Variants in CHN2 observed in about 807,000 individuals in gnomAD.
CHN2 encodes the protein beta-chimaerin.
CHN2 carries 35 observed loss-of-function variants against 56.3 expected under a neutral mutation model. That is an observed-to-expected ratio of 0.62 (90% CI 0.47 to 0.82). The LOEUF (loss-of-function observed/expected upper bound fraction) is 0.82, where lower values mean the gene tolerates loss of function less well. CHN2 is among the 40% of genes least tolerant of loss of function. The pLI is 0.00. For missense variants in CHN2, 491 were observed against 580.5 expected (o/e 0.85, Z 1.58); for synonymous variants, 210 against 212.8 (o/e 0.99, Z 0.12).
At chr7:29,384,903 A>G (rs116689356) in intron 3 of CHN2, among the ~76,000 whole-genome samples, 117 of 152,312 alleles carry the variant, frequency 7.7e-4, no homozygotes, top group African/African-American at 2.5e-3. Flanking sequence ...TCAAAGCTAC[A>G]TGCTGTGAGG....
At chr7:29,406,675 A>G (rs1802679300) in intron 6 of CHN2, among the ~76,000 whole-genome samples, 1 of 152,148 alleles carries the variant, frequency 6.6e-6, no homozygotes, top group African/African-American at 2.4e-5. Flanking sequence ...AACCAGCAGC[A>G]TCAACATCAG....
At chr7:29,510,093 C>T (rs1791125849) in intron 12 of CHN2, among the ~76,000 whole-genome samples, 1 of 152,142 alleles carries the variant, frequency 6.6e-6, no homozygotes, top group Non-Finnish European at 1.5e-5. Flanking sequence ...GACTGCCTGC[C>T]TCCTGGGAGA....
chr7:29,447,413 T>A lies in CHN2; in HGVS notation c.577-32866T>A, dbSNP rs1437816079. On this transcript the variant is annotated intron_variant, in intron 6 of 12. Coordinates refer to ENST00000222792, the MANE Select transcript of CHN2 (RefSeq NM_004067.4). ...AATAGAAACTATCCAGGAATTTTTTTAAAAACAAAAACATCATCAGTGAGC... is the reference window on the plus strand; with the variant it reads ...AATAGAAACTATCCAGGAATTTTTTAAAAAACAAAAACATCATCAGTGAGC... 2.0e-5 allele frequency among the ~76,000 whole-genome samples: 3 copies of A among 152,110 alleles called. No homozygotes were observed. In the South Asian group the frequency reaches 6.2e-4, roughly 32 times the overall value.
intron 1 of CHN2, among the ~76,000 whole-genome samples, chr7:29,283,956 A>G (rs1791939562): frequency 1.6e-5 from 1 of 61,800 alleles, no homozygotes; most frequent in African/African-American, 5.5e-5. Flanking sequence ...TTTTTTTGAG[A>G]CACAGTCTCA....
At chr7:29,464,984 C>A (rs1223961024) in intron 6 of CHN2, among the ~76,000 whole-genome samples, 1 of 152,188 alleles carries the variant, frequency 6.6e-6, no homozygotes, top group Non-Finnish European at 1.5e-5. Context: ...ATCCCCAGAA[C>A]CAATCTAAGC....
intron 1 of CHN2, among the ~76,000 whole-genome samples, chr7:29,302,319 CCTT>C (rs1793751647): frequency 8.0e-6 from 1 of 125,618 alleles, no homozygotes; most frequent in African/African-American, 3.4e-5. Context: ...CTCCTTCCTT[CCTT>C]CTTTCTTCGT....
At chr7:29,293,186 C>T (rs2128870692) in intron 1 of CHN2, among the ~76,000 whole-genome samples, 1 of 152,306 alleles carries the variant, frequency 6.6e-6, no homozygotes, top group South Asian at 2.1e-4. Context: ...GTCCCTGCTG[C>T]TGCCTAAGGG....
chr7:29,397,676 C>T (rs1400503611), intron 4 of CHN2: 1 of 152,216 alleles, frequency 6.6e-6, no homozygotes, highest in Non-Finnish European at 1.5e-5. Context: ...ACTGTCCACT[C>T]TCTGGGCCTC....
intron 11 of CHN2, 138 bp downstream of exon 11, chr7:29,507,503 T>C (rs1027624498): frequency 3.1e-5 from 21 of 674,386 alleles, no homozygotes; most frequent in Middle Eastern, 4.1e-4. Context: ...CAACAATAAA[T>C]AGCTGACCAG....
chr7:29,312,128 T>G (rs922243978), intron 1 of CHN2, among the ~76,000 whole-genome samples: 4 of 152,204 alleles, frequency 2.6e-5, no homozygotes, highest in African/African-American at 9.6e-5. Flanking sequence ...CTGTCAGTGG[T>G]CGAATCATGA....
chr7:29,296,374 C>G (rs1194000944), intron 1 of CHN2, among the ~76,000 whole-genome samples: 7 of 152,156 alleles, frequency 4.6e-5, no homozygotes, highest in Non-Finnish European at 7.4e-5. Flanking sequence ...TGTGAGCCAC[C>G]ATGCCCAGCC....
At chr7:29,267,711 G>A (rs1790265109) in intron 1 of CHN2, among the ~76,000 whole-genome samples, 1 of 152,134 alleles carries the variant, frequency 6.6e-6, no homozygotes, top group African/African-American at 2.4e-5. Flanking sequence ...CCTGTTGTGG[G>A]AATCTGTTAT....
intron 6 of CHN2, among the ~76,000 whole-genome samples, chr7:29,473,432 A>G (rs1243320009): frequency 2.0e-5 from 3 of 147,872 alleles, no homozygotes; most frequent in Admixed American, 2.0e-4. Flanking sequence ...GGGCAGAGGT[A>G]GAGCTTGAGC....
chr7:29,297,838 CAG>C (rs1241690943), intron 1 of CHN2, among the ~76,000 whole-genome samples: 12 of 152,104 alleles, frequency 7.9e-5, no homozygotes, highest in African/African-American at 2.9e-4. Context: ...GAAAAGAGGA[CAG>C]GGGAGGAGAG....
upstream of CHN2, among the ~76,000 whole-genome samples, chr7:29,190,700 C>T (rs184354389): frequency 4.6e-5 from 7 of 152,214 alleles, no homozygotes; most frequent in Non-Finnish European, 7.4e-5. Flanking sequence ...CTTACATGAC[C>T]GTCAAGTTCT....
intron 1 of CHN2, among the ~76,000 whole-genome samples, chr7:29,217,599 T>C (rs1785442050): frequency 6.6e-6 from 1 of 152,246 alleles, no homozygotes; most frequent in African/African-American, 2.4e-5. Context: ...ACAGCGCTTT[T>C]TATATGAATA....
chr7:29,400,561 A>T lies in CHN2; in HGVS notation c.309A>T (p.Leu103Phe). 1 of 1,614,142 alleles carries T rather than the reference A, an allele frequency of 6.2e-7. No homozygotes were observed. Among genetic ancestry groups the T allele is most frequent in the Non-Finnish European group, 8.5e-7 (1 of 1,180,002 alleles). Reference protein sequence around the residue: ...TLALRFGNQTLNYRLFHDGKH... With the variant: ...TLALRFGNQTFNYRLFHDGKH... The stretch of plus-strand genomic sequence containing the variant: ...CGGGCAGGTTTGGAAACCAGACCTT[A>T]AACTACAGGCTCTTCCACGACGGGA... Residue 103 changes from leucine (L) to phenylalanine (F), a missense_variant, in exon 6 of 13, where the codon TTA (leucine) becomes TTT (phenylalanine). By Grantham distance (22) the Leu-to-Phe change is conservative (BLOSUM62 0). Transcript: ENST00000222792.
chr7:29,316,691 A>G (rs973195405), intron 1 of CHN2, among the ~76,000 whole-genome samples: 5 of 152,026 alleles, frequency 3.3e-5, no homozygotes, highest in African/African-American at 4.8e-5. Flanking sequence ...TGTGACATCA[A>G]CATTTACTGA....
At position 29,220,284 on chromosome 7, in the gene CHN2, G is replaced by GAGAGAGAC. The variant is rs1785690436; in HGVS notation, c.49+25301_49+25302insCAGAGAGA. Among the ~76,000 whole-genome samples, 6 of 148,540 alleles carry GAGAGAGAC rather than the reference G, an allele frequency of 4.0e-5. No individual in the cohort carries two copies. The South Asian group carries it at 1.3e-3, about 32-fold the overall frequency. On this transcript the variant is annotated intron_variant, in intron 1 of 12. Coordinates refer to ENST00000222792, the MANE Select transcript of CHN2 (RefSeq NM_004067.4). ...GACCCTGTCTTAAAAAAAAAAAAGAGAGAGAGAGAGAGAGAGAAAGCCAAA... is the reference window on the plus strand; with the variant it reads ...GACCCTGTCTTAAAAAAAAAAAAGAGAGAGAGACAGAGAGAGAGAGAGAGAAAGCCAAA...
Sources: allele counts gnomAD v4.1 joint callset (sites outside exome capture counted in the v4.1 genomes callset), GRCh38; gene constraint gnomAD v4.1.1; transcripts MANE v1.5; gene names NCBI Gene and HGNC (gene_info 2026-07-23, HGNC 2026-07-21).